LAT2: variants seen among roughly 807,000 people sequenced by gnomAD.
LAT2 encodes the protein linker for activation of T-cells family member 2.
LAT2 carries 23 observed loss-of-function variants against 43.4 expected under a neutral mutation model. That is an observed-to-expected ratio of 0.53 (90% CI 0.38 to 0.75). The LOEUF (loss-of-function observed/expected upper bound fraction) is 0.75. Among genes scored for constraint, LAT2 ranks in the 30% least tolerant of loss-of-function variants. The pLI, the probability that LAT2 is intolerant of heterozygous loss-of-function variation, is 0.00. For synonymous variants in LAT2, 128 were observed against 123.2 expected (o/e 1.04, Z -0.26); for missense variants, 284 against 310.2 (o/e 0.92, Z 0.64).
Position 74,224,208 on chromosome 7 carries a change from G to A in LAT2, c.628+11G>A, listed in dbSNP as rs368492080. The A allele has an allele frequency of 1.8e-4, 282 of 1,610,914 alleles. 1 individual carries two copies. The East Asian group carries it at 4.6e-3, about 26-fold the overall frequency. On this transcript the variant is annotated intron_variant, in intron 12 of 13. Transcript: ENST00000460943. ...CCAGGAAGGTCATGGGTAGGTGGCCGGGAGAAGAGGCAGGGTGGTCCACTT... is the reference window on the plus strand; with the variant it reads ...CCAGGAAGGTCATGGGTAGGTGGCCAGGAGAAGAGGCAGGGTGGTCCACTT...
chr7:74,210,510 A>AC (rs1410791595), intron 1 of LAT2, among the ~76,000 whole-genome samples: 4 of 151,490 alleles, frequency 2.6e-5, no homozygotes, highest in Admixed American at 6.6e-5. Flanking sequence ...CAGGTGAAGA[A>AC]CCCCCACTGC....
intron 13 of LAT2, 100 bp from the exon 14 acceptor site, chr7:74,228,844 G>A (rs1554716469): frequency 1.3e-5 from 2 of 151,748 alleles, no homozygotes. Context: ...TCAGCCAGGA[G>A]GCAGGCTCAA....
chr7:74,218,401 C>T (rs1554714538), intron 4 of LAT2, among the ~76,000 whole-genome samples: 1 of 152,140 alleles, frequency 6.6e-6, no homozygotes. Flanking sequence ...AGGAGGAGCC[C>T]CCAAACCTGC....
chr7:74,224,590 G>A (rs782290857), intron 12 of LAT2, 49 bp from the exon 13 acceptor site: 21 of 1,476,162 alleles, frequency 1.4e-5, no homozygotes, highest in South Asian at 1.2e-5. Context: ...GCAGTCATGG[G>A]TGTCTCCATG....
chr7:74,219,277 C>A (rs1802169856), intron 4 of LAT2, among the ~76,000 whole-genome samples: 1 of 152,104 alleles, frequency 6.6e-6, no homozygotes, highest in Non-Finnish European at 1.5e-5. Context: ...CTGGGACCAG[C>A]AGGTGGGAGG....
At chr7:74,217,848 C>T (rs1193694362) in intron 4 of LAT2, among the ~76,000 whole-genome samples, 2 of 152,216 alleles carry the variant, frequency 1.3e-5, no homozygotes, top group African/African-American at 2.4e-5. Flanking sequence ...CACGCACACC[C>T]GCACACACAT....
intron 13 of LAT2, among the ~76,000 whole-genome samples, chr7:74,228,330 G>A (rs1802570023): frequency 1.4e-5 from 2 of 143,304 alleles, no homozygotes; most frequent in Admixed American, 7.1e-5. Flanking sequence ...CAAAAAATTA[G>A]CCGGGCATGG....
chr7:74,219,940 C>A lies in LAT2; in HGVS notation c.179-20C>A, dbSNP rs782234578. 3 of 1,613,384 alleles carry A rather than the reference C, an allele frequency of 1.9e-6. No homozygotes were observed. Among genetic ancestry groups the A allele is most frequent in the South Asian group, 1.1e-5 (1 of 91,080 alleles). On this transcript the variant is annotated intron_variant, in intron 5 of 13. Transcript: ENST00000460943. Reference sequence around the variant, plus strand: ...GCTAGCTGGGGGCCCAGCCAACACCCCACTTCTTGCCCTTTGTAGTGGTCG... The same window carrying A: ...GCTAGCTGGGGGCCCAGCCAACACCACACTTCTTGCCCTTTGTAGTGGTCG...
intron 10 of LAT2, 82 bp downstream of exon 10, chr7:74,221,774 G>T (rs575273652): frequency 1.6e-6 from 2 of 1,257,208 alleles, no homozygotes; most frequent in South Asian, 1.3e-5. Flanking sequence ...CAGGAGAGGA[G>T]GCTGGGCCTG....
chr7:74,223,920 G>A (rs782321792), intron 11 of LAT2, 98 bp from the exon 12 acceptor site: 57 of 1,480,404 alleles, frequency 3.9e-5, no homozygotes, highest in African/African-American at 2.5e-4. Flanking sequence ...GGTACCTTTC[G>A]GTAGAGCCTT....
In LAT2 at chr7:74,221,546, A is replaced by C. The variant is rs1227553784; in HGVS notation, c.333-91A>C. On this transcript the variant is annotated intron_variant, in intron 9 of 13. Coordinates refer to ENST00000460943, the MANE Select transcript of LAT2 (RefSeq NM_032464.3). The stretch of plus-strand genomic sequence containing the variant: ...GGCCCCCAAGAGGAGCAATGGTGGG[A>C]GCAGCCCTGGCCTCACCGCCCCCTT... 3.4e-6 allele frequency: 3 copies of C among 872,402 alleles called. No individual in the cohort carries two copies. The East Asian group carries it at 8.4e-5, about 24-fold the overall frequency. 54.0% of individuals were successfully genotyped at this position (872,402 alleles called of 1,614,324 possible).
Position 74,224,740 on chromosome 7 carries a change from T to A in LAT2, c.730T>A (p.Ter244LysextTer34), listed in dbSNP as rs1554715849. ...TGGGGAGGTGGCAGCCACAGAAGCC[T>A]AGGGCAGACCAAGAAGAAAGGTACA... ...VNGEVAATEA[*>K] The change falls in exon 13 of 14, where the codon TAG (stop) becomes AAG (lysine). Residue 244 changes from the stop codon to lysine, a stop_lost. Coordinates refer to ENST00000460943, the MANE Select transcript of LAT2 (RefSeq NM_032464.3). 6.3e-7 allele frequency: 1 copy of A among 1,589,068 alleles called. No individual in the cohort carries two copies. Among genetic ancestry groups the A allele is most frequent in the Non-Finnish European group, 8.6e-7 (1 of 1,167,274 alleles).
Position 74,221,693 on chromosome 7 carries a change from G to C in LAT2, c.388+1G>C, listed in dbSNP as rs782723991. 1 of 1,611,722 alleles carries C rather than the reference G, an allele frequency of 6.2e-7. No homozygotes were observed. The highest frequency in any genetic ancestry group is 1.1e-5 in the South Asian group (1 of 90,896). On this transcript the variant is annotated splice_donor_variant, in intron 10 of 13. Transcript: ENST00000460943. LOFTEE classifies it high-confidence loss of function. ...GGGCGGTTCTCGAAGCCCCCAGAAGGTGAGGCGAAGGACAAAGCCGGAGGT... is the reference window on the plus strand; with the variant it reads ...GGGCGGTTCTCGAAGCCCCCAGAAGCTGAGGCGAAGGACAAAGCCGGAGGT...
At chr7:74,224,827 C>A in intron 13 of LAT2, 67 bp downstream of exon 13, 2 of 1,180,678 alleles carry the variant, frequency 1.7e-6, no homozygotes, top group Non-Finnish European at 2.4e-6. Context: ...GCAGGACCCC[C>A]AATCCAAGGG....
rs1353498711 is a variant in LAT2, at chr7:74,224,845, G to GA, written c.*18+86dup. The GA allele has an allele frequency of 8.7e-6, 9 of 1,031,156 alleles. No homozygotes were observed. The African/African-American group carries it at 1.5e-4, about 17-fold the overall frequency. The allele number at this position is 1,031,156 out of a possible 1,614,324, so 63.9% of individuals were successfully genotyped here. A position where few individuals can be genotyped will look rare whatever the true frequency, so the allele number is the denominator to read the frequency against. On this transcript the variant is annotated intron_variant, in intron 13 of 13. Transcript: ENST00000460943. ...GGACCCCCAATCCAAGGGAACAGCC[G>GA]AGAGTGTGGGTGGAGGGGCCATGGT...
intron 1 of LAT2, among the ~76,000 whole-genome samples, chr7:74,210,583 C>T (rs551715983): frequency 6.6e-6 from 1 of 152,136 alleles, no homozygotes; most frequent in East Asian, 1.9e-4. Context: ...TGCTCAGGCC[C>T]CTCCTGCACC....
intron 10 of LAT2, among the ~76,000 whole-genome samples, chr7:74,222,469 T>C (rs1460099634): frequency 6.6e-6 from 1 of 151,152 alleles, no homozygotes; most frequent in Non-Finnish European, 1.5e-5. Flanking sequence ...TGCTGAGAGG[T>C]GCATGGGCCT....
chr7:74,223,489 C>T lies in LAT2; in HGVS notation c.389-235C>T, dbSNP rs929651756. 1.1e-4 allele frequency among the ~76,000 whole-genome samples: 17 copies of T among 152,184 alleles called. No individual in the cohort carries two copies. In the East Asian group the frequency reaches 3.3e-3, roughly 29 times the overall value. On this transcript the variant is annotated intron_variant, in intron 10 of 13. Transcript: ENST00000460943. ...GGGTGACAGAGCAAGACCGTCTCAA[C>T]AAGAAACAAAGAAGACAGAGGAGCT...
At chr7:74,214,589 TATATATATGA>T (rs1801933194) in intron 1 of LAT2, among the ~76,000 whole-genome samples, 7 of 658 alleles carry the variant, frequency 0.011, 2 homozygotes, top group African/African-American at 0.092. Context: ...TATATATAAA[TATATATATGA>T]AAATATATAT....
Sources: gnomAD v4.1 joint callset for allele counts (sites outside exome capture counted in the v4.1 genomes callset) on GRCh38, gnomAD v4.1.1 for gene constraint, MANE v1.5 for transcripts, NCBI Gene and HGNC (gene_info 2026-07-23, HGNC 2026-07-21) for gene names.